Variants in FNDC3A observed in about 807,000 individuals in gnomAD.
The protein encoded by FNDC3A is fibronectin type III domain containing 3A.
A neutral mutation model predicts 148.9 loss-of-function variants in FNDC3A; 32 were observed. The ratio of observed to expected loss-of-function variants is 0.21; its 90% CI spans 0.16 to 0.29. The LOEUF is 0.29. Among genes scored for constraint, FNDC3A ranks in the 10% least tolerant of loss-of-function variants. The pLI is 1.00. For synonymous variants in FNDC3A, 472 were observed against 473.6 expected (o/e 1.00, Z 0.04); for missense variants, 1,191 against 1,452.8 (o/e 0.82, Z 2.93).
chr13:49,011,320 G>A (rs1330224278), intron 2 of FNDC3A, among the ~76,000 whole-genome samples: 4 of 151,490 alleles, frequency 2.6e-5, no homozygotes, highest in Non-Finnish European at 5.9e-5. Context: ...TGCAACCTCC[G>A]CCTCCCAGGT....
intron 16 of FNDC3A, among the ~76,000 whole-genome samples, chr13:49,187,928 C>T (rs1406148945): frequency 6.6e-6 from 1 of 152,064 alleles, no homozygotes; most frequent in Non-Finnish European, 1.5e-5. Flanking sequence ...CTCTATACAC[C>T]TAGACCAAGT....
At chr13:49,142,708 T>C (rs1246270462) in intron 7 of FNDC3A, among the ~76,000 whole-genome samples, 3 of 152,226 alleles carry the variant, frequency 2.0e-5, no homozygotes, top group Non-Finnish European at 2.9e-5. Flanking sequence ...ATATAAATAC[T>C]CATTCCTGTA....
At chr13:49,178,366 C>A (rs1205465152) in intron 13 of FNDC3A, among the ~76,000 whole-genome samples, 1 of 152,184 alleles carries the variant, frequency 6.6e-6, no homozygotes, top group East Asian at 1.9e-4. Context: ...CCTGCTTCAT[C>A]TTCTACCAAA....
chr13:49,158,078 A>G (rs1402491606), intron 8 of FNDC3A, among the ~76,000 whole-genome samples: 1 of 152,056 alleles, frequency 6.6e-6, no homozygotes, highest in Non-Finnish European at 1.5e-5. Context: ...TGCTTTGTTT[A>G]CCTAAGCAAG....
intron 3 of FNDC3A, among the ~76,000 whole-genome samples, chr13:49,077,050 G>A (rs1286484836): frequency 1.3e-5 from 2 of 152,210 alleles, no homozygotes; most frequent in African/African-American, 4.8e-5. Flanking sequence ...GAATGAGGCA[G>A]GAGGACCTCT....
chr13:48,989,923 T>C (rs1951881009), intron 1 of FNDC3A, among the ~76,000 whole-genome samples: 1 of 152,114 alleles, frequency 6.6e-6, no homozygotes, highest in Non-Finnish European at 1.5e-5. Flanking sequence ...AGCTAATTTT[T>C]GTATTTTTAG....
intron 2 of FNDC3A, among the ~76,000 whole-genome samples, chr13:49,024,553 A>T (rs1289470482): frequency 6.6e-6 from 1 of 152,062 alleles, no homozygotes; most frequent in Non-Finnish European, 1.5e-5. Flanking sequence ...GATTTATCAC[A>T]GGAATGTAAG....
chr13:49,006,155 T>C lies in FNDC3A; in HGVS notation c.-36T>C. On this transcript the variant is annotated 5_prime_UTR_variant, in exon 2 of 26. Coordinates refer to ENST00000492622, the MANE Select transcript of FNDC3A (RefSeq NM_001079673.2). ...ACTATATATGTTTGTTTTTCAGAAT[T>C]GGAGCGTTATTCAGTATATTAATGT... 8.6e-7 allele frequency: 1 copy of C among 1,156,472 alleles called. No homozygotes were observed. The highest frequency in any genetic ancestry group is 1.3e-6 in the Non-Finnish European group (1 of 776,688). The allele number at this position is 1,156,472 out of a possible 1,614,324, so 71.6% of individuals were successfully genotyped here. A position where few individuals can be genotyped will look rare whatever the true frequency, so the allele number is the denominator to read the frequency against.
chr13:49,032,819 C>T (rs1874222164), intron 2 of FNDC3A, among the ~76,000 whole-genome samples: 1 of 151,962 alleles, frequency 6.6e-6, no homozygotes, highest in Admixed American at 6.6e-5. Context: ...GTACAGTTCT[C>T]TGTGTATACT....
At chr13:49,204,275 A>G (rs924498632) in intron 25 of FNDC3A, among the ~76,000 whole-genome samples, 12 of 152,222 alleles carry the variant, frequency 7.9e-5, no homozygotes, top group African/African-American at 2.7e-4. Context: ...ATAAGCTTTT[A>G]TACCACTCCA....
At chr13:49,090,843 T>A (rs531183969) in intron 3 of FNDC3A, among the ~76,000 whole-genome samples, 74 of 152,002 alleles carry the variant, frequency 4.9e-4, no homozygotes, top group African/African-American at 1.4e-3. Flanking sequence ...GAAAATTTTT[T>A]AAAAATTAGG....
At chr13:49,106,828 C>A (rs1300227942) in intron 3 of FNDC3A, among the ~76,000 whole-genome samples, 2 of 133,386 alleles carry the variant, frequency 1.5e-5, no homozygotes, top group Non-Finnish European at 3.2e-5. Context: ...AGCCCAAAAG[C>A]TAATGACAGA....
chr13:49,196,784 C>A, intron 19 of FNDC3A, 93 bp from the exon 20 acceptor site: 1 of 576,394 alleles, frequency 1.7e-6, no homozygotes, highest in Non-Finnish European at 3.0e-6. Context: ...AGGGAAAAGA[C>A]TTTATTAATG....
chr13:49,203,841 C>G (rs1886526879), intron 25 of FNDC3A, among the ~76,000 whole-genome samples: 1 of 151,904 alleles, frequency 6.6e-6, no homozygotes, highest in African/African-American at 2.4e-5. Flanking sequence ...ATGGAGAGAG[C>G]AAAGGGAAGA....
At chr13:49,201,300 T>TA (rs1324146689) in intron 23 of FNDC3A, 1 of 161,752 alleles carries the variant, frequency 6.2e-6, no homozygotes, top group Non-Finnish European at 1.4e-5. Flanking sequence ...CCAAGTCAAC[T>TA]AAAAATCTGC....
At position 49,138,812 on chromosome 13, in the gene FNDC3A, A is replaced by C. The variant is rs1052532720; in HGVS notation, c.819+7A>C. On this transcript the variant is annotated splice_region_variant and intron_variant, in intron 7 of 25. Transcript: ENST00000492622. ...CAACATTGTCAAACCAGTGGTAAGT[A>C]TCTTATGTATTTTATTGATGTTTAT... The C allele has an allele frequency of 1.4e-6, 2 of 1,413,916 alleles. No individual in the cohort carries two copies. The highest frequency in any genetic ancestry group is 2.0e-6 in the Non-Finnish European group (2 of 1,019,778). 87.6% of individuals were successfully genotyped at this position (1,413,916 alleles called of 1,614,324 possible).
intron 24 of FNDC3A, among the ~76,000 whole-genome samples, chr13:49,202,829 C>A (rs985500354): frequency 5.3e-5 from 8 of 152,108 alleles, no homozygotes; most frequent in African/African-American, 1.9e-4. Context: ...CATACTGAGA[C>A]CTGCCTCTCT....
At chr13:48,979,305 A>G (rs1161815254) in intron 1 of FNDC3A, among the ~76,000 whole-genome samples, 1 of 152,194 alleles carries the variant, frequency 6.6e-6, no homozygotes, top group Non-Finnish European at 1.5e-5. Context: ...AGCAAAAATT[A>G]TAATATGGTA....
intron 11 of FNDC3A, among the ~76,000 whole-genome samples, chr13:49,174,150 G>A (rs976060864): frequency 2.6e-5 from 4 of 152,082 alleles, no homozygotes; most frequent in Non-Finnish European, 5.9e-5. Flanking sequence ...GGAGATTGTA[G>A]GGTCCATACC....
Sources: gnomAD v4.1 joint callset for allele counts (sites outside exome capture counted in the v4.1 genomes callset) on GRCh38, gnomAD v4.1.1 for gene constraint, MANE v1.5 for transcripts, NCBI Gene and HGNC (gene_info 2026-07-23, HGNC 2026-07-21) for gene names.